PLEKHM2: variants seen among roughly 807,000 people sequenced by gnomAD.
The protein encoded by PLEKHM2 is pleckstrin homology and RUN domain containing M2, also known as pleckstrin homology domain-containing family M member 2.
A neutral mutation model predicts 116.3 loss-of-function variants in PLEKHM2; 77 were observed. The ratio of observed to expected loss-of-function variants is 0.66; its 90% CI spans 0.55 to 0.80. PLEKHM2 has a LOEUF of 0.80. Among genes scored for constraint, PLEKHM2 ranks in the 30% least tolerant of loss-of-function variants. The pLI, the probability that PLEKHM2 is intolerant of heterozygous loss-of-function variation, is 0.00. For synonymous variants in PLEKHM2, 562 were observed against 571.0 expected, an observed-to-expected ratio of 0.98 and a Z score of 0.22; for missense variants, 1,183 against 1,354.9, an observed-to-expected ratio of 0.87 and a Z score of 1.99.
At chr1:15,692,847 C>A (rs1571020660) in intron 1 of PLEKHM2, among the ~76,000 whole-genome samples, 1 of 152,204 alleles carries the variant, frequency 6.6e-6, no homozygotes, top group Non-Finnish European at 1.5e-5. Context: ...TCAAGTGATT[C>A]TCCTGCCTCA....
In PLEKHM2 at chr1:15,719,835, A is replaced by T; in HGVS notation, c.567A>T (p.Ser189=). 1 of 1,613,880 alleles carries T rather than the reference A, an allele frequency of 6.2e-7. No individual in the cohort carries two copies. Among genetic ancestry groups the T allele is most frequent in the Non-Finnish European group, 8.5e-7 (1 of 1,179,818 alleles). The part of the protein sequence containing the change: ...EDRLPSSVHG[S]DSLSLNSFNS... ...GCCTTCCCAGCTCGGTCCACGGCTC[A>T]GACAGTCTGTCCCTCAACTCTTTCA... Residue 189 remains serine, a synonymous_variant, in exon 6 of 20, where the codon TCA becomes TCT. Coordinates refer to ENST00000375799, the MANE Select transcript of PLEKHM2 (RefSeq NM_015164.4). This position sits in a 1 kb window ranked among gnomAD's most constrained non-coding sequence, Gnocchi z 4.1.
chr1:15,731,228 C>T lies in PLEKHM2; in HGVS notation c.2436C>T (p.Asp812=), dbSNP rs1414035257. The T allele has an allele frequency of 1.0e-5, 16 of 1,598,038 alleles. No homozygotes were observed. Among genetic ancestry groups the T allele is most frequent in the Admixed American group, 1.7e-5 (1 of 58,214 alleles). ...TCTACCAGTACCCGGACCGCACCGA[C>T]GTCATCCCTCTGCTCTCGGTGAACA... ...GILYQYPDRT[D]VIPLLSVNMG... The change falls in exon 16 of 20, where the codon GAC becomes GAT. Residue 812 remains aspartate, a synonymous_variant. Coordinates refer to ENST00000375799, the MANE Select transcript of PLEKHM2 (RefSeq NM_015164.4).
chr1:15,731,181 T>C lies in PLEKHM2; in HGVS notation c.2400-11T>C, dbSNP rs1369413480. ...GACAGGCCTCACTCGCCCTGTGTTG[T>C]GCCCCTGCAGCAACGGGATCCTCTA... On this transcript the variant is annotated splice_polypyrimidine_tract_variant and intron_variant, in intron 15 of 19. Coordinates refer to ENST00000375799, the MANE Select transcript of PLEKHM2 (RefSeq NM_015164.4). 1.9e-6 allele frequency: 3 copies of C among 1,587,174 alleles called. No individual in the cohort carries two copies. The highest frequency in any genetic ancestry group is 1.3e-5 in the African/African-American group (1 of 74,244).
Position 15,727,530 on chromosome 1 carries a change from G to A in PLEKHM2, c.1458G>A (p.Gly486=). ...GTGGCGGCCACCATGACCCTGCAGG[G>A]CTTGGCCAACCGCTGCATGTTCCTA... The part of the protein sequence containing the change: ...TSGGGHHDPA[G]LGQPLHVPSS... The change falls in exon 9 of 20, where the codon GGG becomes GGA. Residue 486 remains glycine (G), a synonymous_variant. Transcript: ENST00000375799. This position sits in a 1 kb window ranked among gnomAD's most constrained non-coding sequence, Gnocchi z 7.5. 1 of 1,577,824 alleles carries A rather than the reference G, an allele frequency of 6.3e-7. No homozygotes were observed. The highest frequency in any genetic ancestry group is 2.3e-5 in the East Asian group (1 of 42,814).
chr1:15,731,328 C>A, intron 16 of PLEKHM2, 71 bp downstream of exon 16: 1 of 1,188,132 alleles, frequency 8.4e-7, no homozygotes, highest in Non-Finnish European at 1.2e-6. Context: ...GAGATGGCTG[C>A]CCCTGTTGGC....
chr1:15,686,758 C>T (rs1640780064), intron 1 of PLEKHM2, among the ~76,000 whole-genome samples: 1 of 151,620 alleles, frequency 6.6e-6, no homozygotes, highest in Non-Finnish European at 1.5e-5. Flanking sequence ...ACACCATTCT[C>T]CTGCCTCAGC....
chr1:15,690,443 T>C (rs1306459361), intron 1 of PLEKHM2, among the ~76,000 whole-genome samples: 1 of 152,220 alleles, frequency 6.6e-6, no homozygotes, highest in Non-Finnish European at 1.5e-5. Flanking sequence ...TCAGGCCGTA[T>C]AGTCTTTGTT....
At chr1:15,731,859 C>T (rs374361333) in intron 16 of PLEKHM2, 30 bp from the exon 17 acceptor site, 44 of 1,595,966 alleles carry the variant, frequency 2.8e-5, no homozygotes, top group Non-Finnish European at 3.5e-5. Context: ...TGCCTCCTCG[C>T]TCCCGTTTCA....
In PLEKHM2 at chr1:15,721,509, C is replaced by A; in HGVS notation, c.712+121C>A. 1 of 648,066 alleles carries A rather than the reference C, an allele frequency of 1.5e-6. No homozygotes were observed. The highest frequency in any genetic ancestry group is 2.1e-5 in the South Asian group (1 of 46,726). The allele number at this position is 648,066 out of a possible 1,614,324, so 40.1% of individuals were successfully genotyped here. On this transcript the variant is annotated intron_variant, in intron 7 of 19. Coordinates refer to ENST00000375799, the MANE Select transcript of PLEKHM2 (RefSeq NM_015164.4). This position sits in a 1 kb window ranked among gnomAD's most constrained non-coding sequence, Gnocchi z 5.1. ...ATAATATCCATAATCATAATAAAGC[C>A]AAGTTTGGTGTTCTAATAGATGGAA...
chr1:15,727,647 G>A lies in PLEKHM2; in HGVS notation c.1575G>A (p.Gln525=). 6.3e-7 allele frequency: 1 copy of A among 1,593,692 alleles called. No homozygotes were observed. The highest frequency in any genetic ancestry group is 8.5e-7 in the Non-Finnish European group (1 of 1,170,856). ...TAGAGGATACCACGAGGGAGGCTCA[G>A]GAGCTGGAGGCCCAGCTGTCCCTGG... The part of the protein sequence containing the change: ...RPLEDTTREA[Q]ELEAQLSLVR... The change falls in exon 9 of 20, where the codon CAG becomes CAA. Residue 525 remains glutamine (Q), a synonymous_variant. Transcript: ENST00000375799. The surrounding 1 kb of genome is among the most constrained non-coding windows in gnomAD (Gnocchi z 7.5).
chr1:15,731,382 C>T (rs930203169), intron 16 of PLEKHM2, 125 bp downstream of exon 16: 12 of 766,444 alleles, frequency 1.6e-5, no homozygotes, highest in Admixed American at 1.3e-4. Flanking sequence ...GCGGCCCTGA[C>T]AGGTGGCCTG....
intron 8 of PLEKHM2, 132 bp from the exon 9 acceptor site, chr1:15,726,882 G>A (rs905646494): frequency 1.6e-6 from 1 of 615,030 alleles, no homozygotes; most frequent in Admixed American, 3.3e-5. Flanking sequence ...ACCCAGCACT[G>A]CCTAGGACCA....
intron 1 of PLEKHM2, among the ~76,000 whole-genome samples, chr1:15,713,112 TTTTG>T (rs1266771231): frequency 2.6e-5 from 4 of 151,884 alleles, no homozygotes; most frequent in African/African-American, 4.8e-5. Flanking sequence ...ATTTTTAATT[TTTTG>T]TTTGTTTGTT....
At chr1:15,694,444 G>A (rs1640950212) in intron 1 of PLEKHM2, among the ~76,000 whole-genome samples, 1 of 152,118 alleles carries the variant, frequency 6.6e-6, no homozygotes, top group Non-Finnish European at 1.5e-5. Context: ...GAGCAACTCT[G>A]GGCCCCGAGC....
chr1:15,707,297 G>A (rs562367672), intron 1 of PLEKHM2, among the ~76,000 whole-genome samples: 2 of 152,110 alleles, frequency 1.3e-5, no homozygotes, highest in South Asian at 4.1e-4. Flanking sequence ...GCCAGGTGTG[G>A]TGGTACATAC....
chr1:15,716,906 C>A (rs1641458091), intron 3 of PLEKHM2, 90 bp downstream of exon 3: 2 of 1,501,092 alleles, frequency 1.3e-6, no homozygotes, highest in South Asian at 1.2e-5. Flanking sequence ...CCCTCAGGGT[C>A]AGCCCTGGGA....
chr1:15,718,734 G>A, intron 5 of PLEKHM2, 109 bp downstream of exon 5: 1 of 704,550 alleles, frequency 1.4e-6, no homozygotes, highest in South Asian at 1.6e-5. Context: ...AGCTTGTTGA[G>A]TATGACTGGG....
At chr1:15,684,660 G>GCGCCCCCCA in intron 1 of PLEKHM2, 42 bp downstream of exon 1, 1 of 1,155,758 alleles carries the variant, frequency 8.7e-7, no homozygotes, top group Non-Finnish European at 1.1e-6. Flanking sequence ...CTTCCTCGCC[G>GCGCCCCCCA]CGCCCCCCAC....
At chr1:15,685,282 A>G (rs1640744839) in intron 1 of PLEKHM2, among the ~76,000 whole-genome samples, 1 of 152,264 alleles carries the variant, frequency 6.6e-6, no homozygotes, top group African/African-American at 2.4e-5. Flanking sequence ...AATTCCAGGT[A>G]GAAATGAGTA....
Sources: gnomAD v4.1 joint callset for allele counts (sites outside exome capture counted in the v4.1 genomes callset) on GRCh38, gnomAD v4.1.1 for gene constraint, Gnocchi (gnomAD v3.1) non-coding constraint, MANE v1.5 for transcripts, NCBI Gene and HGNC (gene_info 2026-07-23, HGNC 2026-07-21) for gene names.